The following IRF8 variants were observed in gnomAD, a reference collection of about 807,000 sequenced individuals.
IRF8 encodes interferon consensus sequence binding protein 1.
IRF8 carries 14 observed loss-of-function variants against 48.7 expected under a neutral mutation model. That is an observed-to-expected ratio of 0.29 (90% CI 0.19 to 0.45). The LOEUF (loss-of-function observed/expected upper bound fraction) is 0.45. Among genes scored for constraint, IRF8 ranks in the 20% least tolerant of loss-of-function variants. IRF8 has a pLI of 1.00. For synonymous variants in IRF8, 278 were observed against 227.3 expected (o/e 1.22, Z -2.01); for missense variants, 493 against 580.7 (o/e 0.85, Z 1.55).
At chr16:85,905,471 C>T (rs770329306) in intron 2 of IRF8, among the ~76,000 whole-genome samples, 1 of 152,218 alleles carries the variant, frequency 6.6e-6, no homozygotes, top group Non-Finnish European at 1.5e-5. Context: ...CCGTTGGTTA[C>T]GCAGTCGCCT....
Position 85,921,353 on chromosome 16 carries a change from G to C in IRF8, c.*71G>C. 1 of 1,503,482 alleles carries C rather than the reference G, an allele frequency of 6.7e-7. No individual in the cohort carries two copies. Among genetic ancestry groups the C allele is most frequent in the Non-Finnish European group, 9.2e-7 (1 of 1,088,364 alleles). The allele number at this position is 1,503,482 out of a possible 1,614,324, so 93.1% of individuals were successfully genotyped here. ...TCCCTGTTACAGTGGCCCGCATCAT[G>C]ATTAAAGAATGTGGATCCCTCTGTC... On this transcript the variant is annotated 3_prime_UTR_variant, in exon 9 of 9. Transcript: ENST00000268638.
Position 85,922,469 on chromosome 16 carries a change from A to G in IRF8, c.*1187A>G, listed in dbSNP as rs906168036. The G allele has an allele frequency of 2.0e-5, 3 of 152,376 alleles. No homozygotes were observed. The highest frequency in any genetic ancestry group is 6.5e-5 in the Admixed American group (1 of 15,284). 9.4% of individuals were successfully genotyped at this position (152,376 alleles called of 1,614,324 possible). ...TTGCTGAAGTGTTCATAAGATAACA[A>G]TAGGCTTGAATCTCCAATTCAAATG... On this transcript the variant is annotated 3_prime_UTR_variant, in exon 9 of 9. Coordinates refer to ENST00000268638, the MANE Select transcript of IRF8 (RefSeq NM_002163.4).
chr16:85,906,742 G>A (rs934454134), intron 2 of IRF8, among the ~76,000 whole-genome samples: 2 of 152,210 alleles, frequency 1.3e-5, no homozygotes, highest in African/African-American at 2.4e-5. Flanking sequence ...TCAGGTGGGG[G>A]AGGTATCATG....
chr16:85,920,135 G>C lies in IRF8; in HGVS notation c.1015G>C (p.Gly339Arg). The C allele has an allele frequency of 6.2e-7, 1 of 1,614,132 alleles. No individual in the cohort carries two copies. The highest frequency in any genetic ancestry group is 1.3e-5 in the African/African-American group (1 of 75,062). ...GCTGCAGCAGTTCTATAACAGCCAG[G>C]GCCGGCTTCCTGACGGCAGGGTGGT... Reference protein sequence around the residue: ...RELQQFYNSQGRLPDGRVVLC... With the variant: ...RELQQFYNSQRRLPDGRVVLC... Residue 339 changes from glycine (G) to arginine (R), a missense_variant, in exon 8 of 9, where the codon GGC becomes CGC. Physicochemically the swap from Gly to Arg is moderately radical, Grantham distance 125 (BLOSUM62 -2). Coordinates refer to ENST00000268638, the MANE Select transcript of IRF8 (RefSeq NM_002163.4).
At chr16:85,920,795 A>C (rs1905531219) in intron 8 of IRF8, among the ~76,000 whole-genome samples, 1 of 152,178 alleles carries the variant, frequency 6.6e-6, no homozygotes, top group Non-Finnish European at 1.5e-5. Flanking sequence ...CTCCAGAAAG[A>C]TTCTACCTGT....
rs10604224 is a variant in IRF8 at position 85,920,239 on chromosome 16, C to CTTTTTT, written c.1104+35_1104+40dup. ...TTCTCGTGCAGGTAAGTATGGGCAG[C>CTTTTTT]TTTTTTTTTTTTTTTTTTTTTTTTT... On this transcript the variant is annotated intron_variant, in intron 8 of 8. Coordinates refer to ENST00000268638, the MANE Select transcript of IRF8 (RefSeq NM_002163.4). 2.0e-4 allele frequency: 99 copies of CTTTTTT among 488,440 alleles called. No homozygotes were observed. Among genetic ancestry groups the CTTTTTT allele is most frequent in the African/African-American group, 3.2e-4 (9 of 27,772 alleles). The allele number at this position is 488,440 out of a possible 1,614,324, so 30.3% of individuals were successfully genotyped here. A position where few individuals can be genotyped will look rare whatever the true frequency, so the allele number is the denominator to read the frequency against.
At chr16:85,903,336 G>A in intron 2 of IRF8, 147 bp downstream of exon 2, 2 of 751,506 alleles carry the variant, frequency 2.7e-6, no homozygotes, top group East Asian at 2.7e-5. Flanking sequence ...AGTGCTGAAT[G>A]TGTCTCAGAC....
Position 85,918,604 on chromosome 16 carries a change from G to C in IRF8, c.789G>C (p.Gln263His). 6.2e-7 allele frequency: 1 copy of C among 1,607,490 alleles called. No homozygotes were observed. Among genetic ancestry groups the C allele is most frequent in the Non-Finnish European group, 8.5e-7 (1 of 1,179,440 alleles). The change falls in exon 7 of 9, where the codon CAG becomes CAC. Residue 263 changes from glutamine to histidine, a missense_variant. Coordinates refer to ENST00000268638, the MANE Select transcript of IRF8 (RefSeq NM_002163.4). ...CCGACGCCATCCCCAGCGAGCGACA[G>C]AGGCAGGTGACGCGGAAGCTGTTCG... ...PPADAIPSER[Q>H]RQVTRKLFGH...
rs1208994122 is a variant in IRF8 at position 85,920,156 on chromosome 16, G to A, written c.1036G>A (p.Val346Met). ...CCAGGGCCGGCTTCCTGACGGCAGGGTGGTGCTGTGCTTTGGGGAAGAGTT... is the reference window on the plus strand; with the variant it reads ...CCAGGGCCGGCTTCCTGACGGCAGGATGGTGCTGTGCTTTGGGGAAGAGTT... ...NSQGRLPDGR[V>M]VLCFGEEFPD... Residue 346 changes from valine (V) to methionine (M), a missense_variant, in exon 8 of 9, where the codon GTG becomes ATG. Val to Met is a conservative substitution (Grantham distance 21). Coordinates refer to ENST00000268638, the MANE Select transcript of IRF8 (RefSeq NM_002163.4). The A allele has an allele frequency of 6.8e-6, 11 of 1,614,028 alleles. No homozygotes were observed. The highest frequency in any genetic ancestry group is 8.5e-6 in the Non-Finnish European group (10 of 1,180,022).
intron 7 of IRF8, among the ~76,000 whole-genome samples, chr16:85,919,444 G>T (rs1905456917): frequency 6.6e-6 from 1 of 152,198 alleles, no homozygotes; most frequent in Admixed American, 6.5e-5. Context: ...GCTGCCACTG[G>T]CCTGAGAACT....
At chr16:85,902,217 T>C (rs920133719) in intron 1 of IRF8, among the ~76,000 whole-genome samples, 1 of 152,200 alleles carries the variant, frequency 6.6e-6, no homozygotes, top group Admixed American at 6.5e-5. Flanking sequence ...TATCTTTCAG[T>C]TGGTCGTAGG....
intron 2 of IRF8, among the ~76,000 whole-genome samples, chr16:85,904,405 C>G (rs1904925211): frequency 6.6e-6 from 1 of 152,076 alleles, no homozygotes; most frequent in Non-Finnish European, 1.5e-5. Flanking sequence ...GATGACTGTC[C>G]CCTGACACCA....
chr16:85,915,451 C>G (rs1404794250), intron 6 of IRF8, among the ~76,000 whole-genome samples: 1 of 152,222 alleles, frequency 6.6e-6, no homozygotes, highest in Admixed American at 6.5e-5. Flanking sequence ...GGTGCTCACC[C>G]AGGCAGGAAA....
intron 7 of IRF8, 137 bp downstream of exon 7, chr16:85,918,940 G>A: frequency 8.6e-7 from 1 of 1,159,138 alleles, no homozygotes; most frequent in South Asian, 1.3e-5. Context: ...GTGTGGCAAG[G>A]AGGTGCTCCT....
At position 85,911,592 on chromosome 16, in the gene IRF8, T is replaced by G. The variant is rs780856170; in HGVS notation, c.381T>G (p.Ala127=). Residue 127 remains alanine (A), a synonymous_variant, in exon 4 of 9, where the codon GCT becomes GCG. Coordinates refer to ENST00000268638, the MANE Select transcript of IRF8 (RefSeq NM_002163.4). ...EQKCKLGVAT[A]GCVNEVTEME... is the part of the protein sequence containing the mutation. ...TAGGCAAACTAGGCGTGGCAACTGC[T>G]GGCTGCGTGAATGAAGTTACAGAGA... is the stretch of plus-strand genomic sequence containing the variant. 6.2e-6 allele frequency: 10 copies of G among 1,614,022 alleles called. No individual in the cohort carries two copies. Among genetic ancestry groups the G allele is most frequent in the Non-Finnish European group, 8.5e-6 (10 of 1,179,980 alleles).
chr16:85,903,729 T>C (rs937174707), intron 2 of IRF8, among the ~76,000 whole-genome samples: 4 of 152,174 alleles, frequency 2.6e-5, no homozygotes, highest in Non-Finnish European at 5.9e-5. Context: ...CGGTTCCCCA[T>C]GCGTGGAGAG....
chr16:85,912,135 A>G (rs1351253645), intron 4 of IRF8, among the ~76,000 whole-genome samples: 1 of 152,208 alleles, frequency 6.6e-6, no homozygotes, highest in Admixed American at 6.5e-5. Context: ...TTATTCCTTA[A>G]CGGATTGGAA....
At chr16:85,903,212 C>G (rs749980782) in intron 2 of IRF8, 23 bp downstream of exon 2, 1 of 1,601,340 alleles carries the variant, frequency 6.2e-7, no homozygotes. Flanking sequence ...GCTCCCTTCC[C>G]CACTGTGGGC....
At chr16:85,909,296 G>C in intron 3 of IRF8, 123 bp downstream of exon 3, 1 of 780,252 alleles carries the variant, frequency 1.3e-6, no homozygotes, top group Admixed American at 2.0e-5. Flanking sequence ...AAACAAAGCA[G>C]TTCTCTCCTT....
Sources: allele counts gnomAD v4.1 joint callset (sites outside exome capture counted in the v4.1 genomes callset), GRCh38; gene constraint gnomAD v4.1.1; transcripts MANE v1.5; gene names NCBI Gene and HGNC (gene_info 2026-07-23, HGNC 2026-07-21).